The following COMT variants were observed in gnomAD, a reference collection of about 807,000 sequenced individuals.
COMT encodes the protein catechol O-methyltransferase.
COMT carries 13 observed loss-of-function variants against 18.9 expected under a neutral mutation model. The observed-to-expected ratio is 0.69, with a 90% CI of 0.45 to 1.09. The LOEUF is 1.09. Among genes scored for constraint, COMT ranks in the 50% least tolerant of loss-of-function variants. COMT has a pLI of 0.00. For synonymous variants in COMT, 150 were observed against 160.9 expected (o/e 0.93, Z 0.51); for missense variants, 329 against 361.8 (o/e 0.91, Z 0.73).
intron 1 of COMT, among the ~76,000 whole-genome samples, chr22:19,943,725 A>G (rs1166968155): frequency 6.6e-6 from 1 of 152,216 alleles, no homozygotes; most frequent in East Asian, 1.9e-4. Context: ...TGATAAACCC[A>G]GTTTTTGAGC....
intron 1 of COMT, among the ~76,000 whole-genome samples, chr22:19,949,725 A>G (rs1046853096): frequency 3.3e-5 from 5 of 152,042 alleles, no homozygotes; most frequent in Non-Finnish European, 5.9e-5. Context: ...AGCCCCCTAA[A>G]GCACTGAGAT....
intron 5 of COMT, chr22:19,964,837 G>A (rs1212540408): frequency 3.4e-6 from 1 of 296,366 alleles, no homozygotes; most frequent in South Asian, 3.8e-5. Flanking sequence ...GGGGGGCGTG[G>A]GGCACTGGTG....
At position 19,968,682 on chromosome 22, in the gene COMT, G is replaced by A; in HGVS notation, c.762G>A (p.Val254=). The change falls in exon 6 of 6, where the codon GTG becomes GTA. Residue 254 remains valine, a synonymous_variant. Coordinates refer to ENST00000361682, the MANE Select transcript of COMT (RefSeq NM_000754.4). ...CGTTCCTGGAATACAGGGAGGTGGT[G>A]GACGGCCTGGAGAAGGCCATCTACA... ...YQSFLEYREV[V]DGLEKAIYKG... 3 of 1,613,890 alleles carry A rather than the reference G, an allele frequency of 1.9e-6. No homozygotes were observed. Among genetic ancestry groups the A allele is most frequent in the Non-Finnish European group, 2.5e-6 (3 of 1,180,020 alleles).
chr22:19,957,289 G>A (rs1426464276), intron 1 of COMT, among the ~76,000 whole-genome samples: 2 of 152,178 alleles, frequency 1.3e-5, no homozygotes, highest in East Asian at 3.9e-4. Flanking sequence ...ACCAGATGCA[G>A]TGGTGTGCAC....
intron 1 of COMT, among the ~76,000 whole-genome samples, chr22:19,956,137 C>CTTTTTTTTTTTTTTTTTTTTTTTTTTT (rs71186638): frequency 1.7e-4 from 14 of 84,826 alleles, no homozygotes; most frequent in Non-Finnish European, 2.1e-4. Flanking sequence ...TTCTTTTTTT[C>CTTTTTTTTTTTTTTTTTTTTTTTTTTT]TTTTTTTTTT....
intron 1 of COMT, chr22:19,951,025 C>T (rs1208958987): frequency 6.6e-6 from 1 of 152,180 alleles, no homozygotes; most frequent in Non-Finnish European, 1.5e-5. Context: ...GAACGAGGCA[C>T]TAGGAAGAAG....
At chr22:19,966,109 C>A (rs566389623) in intron 5 of COMT, among the ~76,000 whole-genome samples, 8 of 152,328 alleles carry the variant, frequency 5.3e-5, no homozygotes, top group African/African-American at 9.6e-5. Context: ...GTGCTGCTTG[C>A]GCAAAGCTGG....
intron 1 of COMT, among the ~76,000 whole-genome samples, chr22:19,948,405 A>G (rs893194771): frequency 1.2e-4 from 18 of 152,174 alleles, no homozygotes; most frequent in African/African-American, 4.3e-4. Flanking sequence ...CTATAATCCC[A>G]ACACTTTGGG....
At chr22:19,963,422 G>C (rs1942249274) in intron 3 of COMT, 144 bp from the exon 4 acceptor site, 2 of 904,520 alleles carry the variant, frequency 2.2e-6, no homozygotes, top group African/African-American at 1.6e-5. Context: ...CCAGCGGGTA[G>C]GGAGGGTGGG....
chr22:19,963,821 T>C (rs1003118478), intron 4 of COMT, 62 bp downstream of exon 4: 3 of 1,538,308 alleles, frequency 2.0e-6, no homozygotes, highest in African/African-American at 1.4e-5. Flanking sequence ...AGGGAGGGCA[T>C]GCGCACTTTG....
intron 1 of COMT, among the ~76,000 whole-genome samples, chr22:19,946,164 C>T (rs9332325): frequency 0.33 from 49,307 of 151,714 alleles, 8,253 homozygotes; most frequent in East Asian, 0.44. Flanking sequence ...GATCCTGGCT[C>T]AGTGCAGTCA....
chr22:19,955,835 G>C (rs1162256666), intron 1 of COMT, among the ~76,000 whole-genome samples: 1 of 152,230 alleles, frequency 6.6e-6, no homozygotes, highest in Non-Finnish European at 1.5e-5. Flanking sequence ...GGTCACTGCA[G>C]CCGCATGTTG....
intron 1 of COMT, among the ~76,000 whole-genome samples, chr22:19,950,233 T>C: frequency 8.7e-6 from 1 of 115,306 alleles, no homozygotes; most frequent in South Asian, 2.9e-4. Context: ...TTTCTTTTCT[T>C]TTCTTTTCTT....
chr22:19,953,728 C>T (rs527442523), intron 1 of COMT, among the ~76,000 whole-genome samples: 2 of 152,274 alleles, frequency 1.3e-5, no homozygotes, highest in South Asian at 2.1e-4. Flanking sequence ...CCTTTCTGCC[C>T]CTCCCTAAAG....
In COMT at chr22:19,948,954, CAAAAA is replaced by C. The variant is rs71186636; in HGVS notation, c.-92+7078_-92+7082del. Among the ~76,000 whole-genome samples the C allele has an allele frequency of 4.5e-3, 389 of 86,838 alleles. 5 individuals carry two copies. In the East Asian group the frequency reaches 0.067, roughly 15 times the overall value. The allele number at this position is 86,838 out of a possible 152,430, so 57.0% of individuals were successfully genotyped here. ...TGGGTAACAGAGCGAGACTCTGTCT[CAAAAA>C]AAAAAAAAAAAAAAAAAAAATTTAA... On this transcript the variant is annotated intron_variant, in intron 1 of 5. Transcript: ENST00000361682.
chr22:19,962,605 A>T lies in COMT; in HGVS notation c.79A>T (p.Arg27Trp). ...GCTGGTGGTGCTGCTGCTGCTTCTG[A>T]GGCACTGGGGCTGGGGCCTGTGCCT... ...VLLVVLLLLL[R>W]HWGWGLCLIG... Residue 27 changes from arginine to tryptophan, a missense_variant, in exon 3 of 6, where the codon AGG (arginine) becomes TGG (tryptophan). Coordinates refer to ENST00000361682, the MANE Select transcript of COMT (RefSeq NM_000754.4). 6.3e-7 allele frequency: 1 copy of T among 1,593,494 alleles called. No homozygotes were observed. The highest frequency in any genetic ancestry group is 8.5e-7 in the Non-Finnish European group (1 of 1,170,420).
intron 5 of COMT, 25 bp downstream of exon 5, chr22:19,964,324 C>A (rs367860001): frequency 6.2e-7 from 1 of 1,613,610 alleles, no homozygotes; most frequent in Non-Finnish European, 8.5e-7. Flanking sequence ...GGATGGCATC[C>A]GTGCCAGCTG....
chr22:19,967,575 C>T (rs1389205660), intron 5 of COMT: 2 of 367,182 alleles, frequency 5.4e-6, no homozygotes, highest in Non-Finnish European at 1.1e-5. Context: ...CCACCCACCA[C>T]CAGGACAGCT....
chr22:19,947,805 A>T (rs1941863820), intron 1 of COMT, among the ~76,000 whole-genome samples: 1 of 152,104 alleles, frequency 6.6e-6, no homozygotes, highest in African/African-American at 2.4e-5. Context: ...AGGGAAAGGG[A>T]GACTTCCTTT....
Sources: allele counts gnomAD v4.1 joint callset (sites outside exome capture counted in the v4.1 genomes callset), GRCh38; gene constraint gnomAD v4.1.1; transcripts MANE v1.5; gene names NCBI Gene and HGNC (gene_info 2026-07-23, HGNC 2026-07-21).